The following FHIP1B variants were observed in gnomAD, a reference collection of about 807,000 sequenced individuals.
FHIP1B encodes FHF complex subunit HOOK-interacting protein 1B.
In FHIP1B, 28 loss-of-function variants were observed where a neutral mutation model predicts 82.2. The ratio of observed to expected loss-of-function variants is 0.34; its 90% CI spans 0.25 to 0.47. The LOEUF is 0.47. Ranked by LOEUF, FHIP1B falls within the 20% of genes least tolerant of loss-of-function variation. The pLI is 1.00. For missense variants in FHIP1B, 1,110 were observed against 1,262.6 expected (o/e 0.88, Z 1.83); for synonymous variants, 585 against 516.1 (o/e 1.13, Z -1.81).
chr11:6,216,196 G>A (rs1361997723), intron 9 of FHIP1B, among the ~76,000 whole-genome samples: 10 of 152,356 alleles, frequency 6.6e-5, no homozygotes, highest in Admixed American at 4.6e-4. Flanking sequence ...TTTTCTGTAG[G>A]AGGCAAGAAG....
In FHIP1B at chr11:6,217,541, T is replaced by C. The variant is rs780876381; in HGVS notation, c.2045A>G (p.Glu682Gly). The change falls in exon 9 of 12, where the codon GAG (glutamate) becomes GGG (glycine). Residue 682 changes from glutamate to glycine, a missense_variant. Coordinates refer to ENST00000449352, the MANE Select transcript of FHIP1B (RefSeq NM_001098794.2). ...EGFGQELREL[E>G]VALSNGGTGS... is the part of the protein sequence containing the mutation. The stretch of plus-strand genomic sequence containing the variant: ...AGTTCCCCCATTGCTCAATGCCACC[T>C]CTAGCTCCCGGAGCTCCTGCCCAAA... 32 of 1,610,046 alleles carry C rather than the reference T, an allele frequency of 2.0e-5. No homozygotes were observed. In the East Asian group the frequency reaches 6.5e-4, roughly 33 times the overall value.
chr11:6,211,988 G>C, intron 11 of FHIP1B, 121 bp from the exon 12 acceptor site: 1 of 1,427,402 alleles, frequency 7.0e-7, no homozygotes. Context: ...TGAGGAAATG[G>C]AAAAAAGGAC....
chr11:6,222,516 A>G lies in FHIP1B; in HGVS notation c.1117T>C (p.Phe373Leu). The change falls in exon 6 of 12, where the codon TTC becomes CTC. Residue 373 changes from phenylalanine (F) to leucine (L), a missense_variant. This residue lies in a region of FHIP1B where 467 missense variants were observed against 602.9 expected (regional missense o/e 0.77). Transcript: ENST00000449352. ...EPALLRTFLRFLLLHRHDTHT... is the reference protein window; with the variant it reads ...EPALLRTFLRLLLLHRHDTHT... ...GTGTCATGCCGGTGCAACAACAGGA[A>G]TCGCAGGAAGGTACGGAGCAAAGCA... 6.2e-7 allele frequency: 1 copy of G among 1,614,106 alleles called. No homozygotes were observed. Among genetic ancestry groups the G allele is most frequent in the Non-Finnish European group, 8.5e-7 (1 of 1,180,016 alleles).
At chr11:6,218,426 G>C in intron 8 of FHIP1B, 174 bp downstream of exon 8, 1 of 1,027,054 alleles carries the variant, frequency 9.7e-7, no homozygotes, top group Non-Finnish European at 1.4e-6. Flanking sequence ...AATTTTCTTT[G>C]GTGAGTGTTA....
chr11:6,217,294 G>T (rs1185193200), intron 9 of FHIP1B, 77 bp downstream of exon 9: 1 of 1,374,536 alleles, frequency 7.3e-7, no homozygotes, highest in South Asian at 1.2e-5. Context: ...TGGCCAAGAG[G>T]TCCAAGAAAC....
intron 9 of FHIP1B, 142 bp from the exon 10 acceptor site, chr11:6,215,053 G>T: frequency 1.3e-6 from 1 of 773,718 alleles, no homozygotes; most frequent in Non-Finnish European, 1.9e-6. Flanking sequence ...ATATCCCGTG[G>T]CCACCTATTC....
rs765659855 is a variant in FHIP1B, at chr11:6,218,053, C to G, written c.1533G>C (p.Leu511=). The G allele has an allele frequency of 6.2e-7, 1 of 1,613,434 alleles. No homozygotes were observed. The change falls in exon 9 of 12, where the codon CTG becomes CTC. Residue 511 remains leucine, a synonymous_variant. Transcript: ENST00000449352. ...CTGGGCCTGGAGACTCAGAGCCACC[C>G]AGGCTCTGCTGCCGCAGGAAGAGAG... ...RLALFLRQQS[L]GGSESPGPAP...
At chr11:6,220,771 G>A (rs1847384652) in intron 6 of FHIP1B, among the ~76,000 whole-genome samples, 1 of 152,034 alleles carries the variant, frequency 6.6e-6, no homozygotes, top group African/African-American at 2.4e-5. Flanking sequence ...TAGTGAGTAA[G>A]AATCAAAGTT....
intron 6 of FHIP1B, among the ~76,000 whole-genome samples, chr11:6,220,446 T>C (rs1389923403): frequency 2.0e-5 from 3 of 152,184 alleles, no homozygotes; most frequent in Non-Finnish European, 2.9e-5. Flanking sequence ...ATAAATCTGT[T>C]TTAAGCATTA....
Position 6,229,293 on chromosome 11 carries a change from A to G in FHIP1B, c.-191-4586T>C, listed in dbSNP as rs187534665. Among the ~76,000 whole-genome samples, 259 of 152,340 alleles carry G rather than the reference A, an allele frequency of 1.7e-3. 8 individuals are homozygous for G. The highest frequency in any genetic ancestry group is 0.016 in the Admixed American group (239 of 15,306). On this transcript the variant is annotated intron_variant, in intron 1 of 11. Coordinates refer to ENST00000449352, the MANE Select transcript of FHIP1B (RefSeq NM_001098794.2). Reference sequence around the variant, plus strand: ...CACATATCTGAGCCTCAGCTTCCTCATCTATAAATTCCTGATGAAATAAGT... The same window carrying G: ...CACATATCTGAGCCTCAGCTTCCTCGTCTATAAATTCCTGATGAAATAAGT...
At chr11:6,221,391 C>T (rs961865086) in intron 6 of FHIP1B, among the ~76,000 whole-genome samples, 3 of 152,028 alleles carry the variant, frequency 2.0e-5, no homozygotes, top group African/African-American at 7.2e-5. Context: ...AAAATAAATG[C>T]CATGAAGTCC....
chr11:6,217,183 G>A, intron 9 of FHIP1B, 188 bp downstream of exon 9: 1 of 710,420 alleles, frequency 1.4e-6, no homozygotes. Context: ...AAGCATGGAA[G>A]ACGTACAGAC....
intron 1 of FHIP1B, among the ~76,000 whole-genome samples, chr11:6,226,780 A>G (rs1393147321): frequency 6.6e-6 from 1 of 152,218 alleles, no homozygotes; most frequent in African/African-American, 2.4e-5. Flanking sequence ...GCTTTTGTCT[A>G]CTGACACCCT....
At position 6,223,889 on chromosome 11, in the gene FHIP1B, C is replaced by T; in HGVS notation, c.498G>A (p.Val166=). The T allele has an allele frequency of 4.3e-6, 7 of 1,614,204 alleles. No homozygotes were observed. The highest frequency in any genetic ancestry group is 5.9e-6 in the Non-Finnish European group (7 of 1,180,020). The change falls in exon 3 of 12, where the codon GTG becomes GTA. Residue 166 remains valine, a synonymous_variant. Coordinates refer to ENST00000449352, the MANE Select transcript of FHIP1B (RefSeq NM_001098794.2). The surrounding 1 kb of genome is among the most constrained non-coding windows in gnomAD (Gnocchi z 4.8). The stretch of plus-strand genomic sequence containing the variant: ...CTTCATCCAGTGCTGGGCTACTGGG[C>T]ACAGGGCGGCCACAGGCATCCAGCA... The part of the protein sequence containing the change: ...LTLLDACGRP[V]PSSPALDEGL...
chr11:6,218,373 T>C (rs183277839), intron 8 of FHIP1B, among the ~76,000 whole-genome samples: 3 of 152,240 alleles, frequency 2.0e-5, no homozygotes, highest in Admixed American at 2.0e-4. Flanking sequence ...AGTACACGAC[T>C]AGAGAGAAGA....
In FHIP1B at chr11:6,217,455, A is replaced by G. The variant is rs986982424; in HGVS notation, c.2131T>C (p.Phe711Leu). ...PLEEEEAYES[F>L]TCPPEPPGPF... is the part of the protein sequence containing the mutation. ...CCAGGGGGCTCAGGGGGACAGGTGA[A>G]GCTCTCGTAGGCCTCCTCCTCCTCA... The change falls in exon 9 of 12, where the codon TTC becomes CTC. Residue 711 changes from phenylalanine (F) to leucine (L), a missense_variant. This residue lies in a region of FHIP1B where 418 missense variants were observed against 371.4 expected (regional missense o/e 1.13). Transcript: ENST00000449352. 1 of 1,613,864 alleles carries G rather than the reference A, an allele frequency of 6.2e-7. No individual in the cohort carries two copies. Among genetic ancestry groups the G allele is most frequent in the Middle Eastern group, 1.7e-4 (1 of 6,060 alleles).
At chr11:6,218,879 T>G in intron 7 of FHIP1B, 92 bp downstream of exon 7, 1 of 1,565,014 alleles carries the variant, frequency 6.4e-7, no homozygotes, top group South Asian at 1.1e-5. Flanking sequence ...TGGAAACTCA[T>G]GAGTAACCCC....
Position 6,217,851 on chromosome 11 carries a change from C to T in FHIP1B, c.1735G>A (p.Glu579Lys), listed in dbSNP as rs866984735. The change falls in exon 9 of 12, where the codon GAG (glutamate) becomes AAG (lysine). Residue 579 changes from glutamate to lysine, a missense_variant. Transcript: ENST00000449352. The part of the protein sequence containing the change: ...CRTWSAPYDG[E>K]RPSPEPSPFG... Reference sequence around the variant, plus strand: ...GGACTGGGCTCAGGAGAGGGCCGCTCGCCATCATAGGGGGCAGACCAGGTA... The same window carrying T: ...GGACTGGGCTCAGGAGAGGGCCGCTTGCCATCATAGGGGGCAGACCAGGTA... 18 of 1,613,700 alleles carry T rather than the reference C, an allele frequency of 1.1e-5. No individual in the cohort carries two copies. The highest frequency in any genetic ancestry group is 5.0e-5 in the Admixed American group (3 of 59,998).
rs1327108324 is a variant in FHIP1B, at chr11:6,224,613, G to A, written c.-97C>T. 107 of 1,341,500 alleles carry A rather than the reference G, an allele frequency of 8.0e-5. No homozygotes were observed. Among genetic ancestry groups the A allele is most frequent in the Non-Finnish European group, 1.0e-4 (104 of 993,086 alleles). 83.1% of individuals were successfully genotyped at this position (1,341,500 alleles called of 1,614,324 possible). On this transcript the variant is annotated 5_prime_UTR_variant, in exon 2 of 12. Transcript: ENST00000449352. ...CTTGTGTCTCCAGTCTGCTTCATCCGGTCTGTAGGAGCCAGTAGCTGCCCA... is the reference window on the plus strand; with the variant it reads ...CTTGTGTCTCCAGTCTGCTTCATCCAGTCTGTAGGAGCCAGTAGCTGCCCA...
Sources: allele counts gnomAD v4.1 joint callset (sites outside exome capture counted in the v4.1 genomes callset), GRCh38; gene constraint gnomAD v4.1.1; regional missense constraint gnomAD v4.1.1; non-coding constraint Gnocchi (gnomAD v3.1); transcripts MANE v1.5; gene names NCBI Gene and HGNC (gene_info 2026-07-23, HGNC 2026-07-21).